CDYL2: variants seen among roughly 807,000 people sequenced by gnomAD.
The protein encoded by CDYL2 is chromodomain Y like 2.
A neutral mutation model predicts 49.4 loss-of-function variants in CDYL2; 23 were observed. The ratio of observed to expected loss-of-function variants is 0.47; its 90% CI spans 0.34 to 0.66. CDYL2 has a LOEUF of 0.66. CDYL2 is among the 30% of genes least tolerant of loss of function. The pLI, the probability that CDYL2 is intolerant of heterozygous loss-of-function variation, is 0.01. For synonymous variants in CDYL2, 360 were observed against 268.8 expected (o/e 1.34, Z -3.32); for missense variants, 678 against 656.4 (o/e 1.03, Z -0.36).
intron 1 of CDYL2, among the ~76,000 whole-genome samples, chr16:80,795,138 C>G (rs1442743480): frequency 6.6e-6 from 1 of 152,132 alleles, no homozygotes; most frequent in East Asian, 1.9e-4. Flanking sequence ...TAATGAAAAT[C>G]AAGGAGAAAA....
At chr16:80,661,427 C>T (rs1909040097) in intron 2 of CDYL2, among the ~76,000 whole-genome samples, 1 of 152,194 alleles carries the variant, frequency 6.6e-6, no homozygotes, top group African/African-American at 2.4e-5. Flanking sequence ...TCACAAGTTG[C>T]TGAGTGCCTA....
At chr16:80,605,771 A>G (rs115346847) in intron 6 of CDYL2, among the ~76,000 whole-genome samples, 2,099 of 152,316 alleles carry the variant, frequency 0.014, 51 homozygotes, top group African/African-American at 0.047. Context: ...TAATGCCACT[A>G]TGATCACCAT....
At chr16:80,617,497 G>A (rs940255145) in intron 4 of CDYL2, among the ~76,000 whole-genome samples, 1 of 152,166 alleles carries the variant, frequency 6.6e-6, no homozygotes, top group Non-Finnish European at 1.5e-5. Context: ...CTTCTCTCAG[G>A]ACACCCCTCT....
At chr16:80,702,183 A>AACACACACACACACAC (rs35071485) in intron 1 of CDYL2, among the ~76,000 whole-genome samples, 215 of 142,850 alleles carry the variant, frequency 1.5e-3, no homozygotes, top group African/African-American at 5.2e-3. Flanking sequence ...GAAGGCCTAA[A>AACACACACACACACAC]ACACACACAC....
intron 2 of CDYL2, among the ~76,000 whole-genome samples, chr16:80,661,660 G>A (rs1909049660): frequency 6.6e-6 from 1 of 152,134 alleles, no homozygotes; most frequent in African/African-American, 2.4e-5. Context: ...CATGGTGTTG[G>A]CTCTGATGGA....
intron 2 of CDYL2, among the ~76,000 whole-genome samples, chr16:80,650,914 A>T (rs1288091192): frequency 7.0e-6 from 1 of 142,016 alleles, no homozygotes; most frequent in Non-Finnish European, 1.5e-5. Context: ...GGATCTAAAA[A>T]CCAAAACAAT....
rs751025511 is a variant in CDYL2, at chr16:80,604,436, G to T, written c.1473C>A (p.Gly491=). 69 of 1,614,044 alleles carry T rather than the reference G, an allele frequency of 4.3e-5. No homozygotes were observed. In the South Asian group the frequency reaches 6.8e-4, roughly 16 times the overall value. Residue 491 remains glycine, a synonymous_variant, in exon 7 of 7, where the codon GGC becomes GGA. Coordinates refer to ENST00000570137, the MANE Select transcript of CDYL2 (RefSeq NM_152342.4). ...MLKQLWSSSK[G]LDSLFSYLQD... Reference sequence around the variant, plus strand: ...GCAGGTAGCTGAAAAGGGAGTCAAGGCCTTTGGAGGAGCTCCAGAGCTGCT... The same window carrying T: ...GCAGGTAGCTGAAAAGGGAGTCAAGTCCTTTGGAGGAGCTCCAGAGCTGCT...
intron 2 of CDYL2, among the ~76,000 whole-genome samples, chr16:80,648,450 G>A (rs963632499): frequency 5.3e-5 from 8 of 152,096 alleles, no homozygotes; most frequent in Middle Eastern, 3.4e-3. Context: ...ACTGAACCAC[G>A]AAGAAATCCA....
At chr16:80,779,810 T>C (rs984455426) in intron 1 of CDYL2, among the ~76,000 whole-genome samples, 2 of 152,274 alleles carry the variant, frequency 1.3e-5, no homozygotes, top group African/African-American at 4.8e-5. Context: ...AAAGACAGAC[T>C]AGAAGGATAT....
chr16:80,611,562 C>G (rs953167064), intron 5 of CDYL2, among the ~76,000 whole-genome samples: 1 of 152,192 alleles, frequency 6.6e-6, no homozygotes, highest in African/African-American at 2.4e-5. Flanking sequence ...CAGCTAATCT[C>G]AGATTAACCC....
At chr16:80,641,248 T>C (rs897452982) in intron 2 of CDYL2, among the ~76,000 whole-genome samples, 32 of 152,104 alleles carry the variant, frequency 2.1e-4, no homozygotes, top group Admixed American at 5.2e-4. Flanking sequence ...GGAGCTTTAA[T>C]ACATATGGCA....
chr16:80,626,915 C>T (rs962732529), intron 3 of CDYL2, among the ~76,000 whole-genome samples: 2 of 152,154 alleles, frequency 1.3e-5, no homozygotes, highest in Non-Finnish European at 2.9e-5. Context: ...GCAAGTGACA[C>T]CATGAAGACT....
chr16:80,782,442 C>T (rs1055269249), intron 1 of CDYL2, among the ~76,000 whole-genome samples: 1 of 147,400 alleles, frequency 6.8e-6, no homozygotes, highest in Non-Finnish European at 1.5e-5. Flanking sequence ...TTCTTAAAAT[C>T]TTCTAAAAAG....
intron 1 of CDYL2, among the ~76,000 whole-genome samples, chr16:80,700,873 A>C (rs1904296840): frequency 6.6e-6 from 1 of 152,250 alleles, no homozygotes. Context: ...AGAAAGGTTT[A>C]ATTTCCTATT....
intron 1 of CDYL2, among the ~76,000 whole-genome samples, chr16:80,695,412 T>C (rs543214228): frequency 2.6e-5 from 4 of 152,314 alleles, no homozygotes; most frequent in African/African-American, 7.2e-5. Flanking sequence ...AATAATAACA[T>C]TGAATGTAAA....
At chr16:80,606,342 T>C (rs1906332644) in intron 6 of CDYL2, among the ~76,000 whole-genome samples, 1 of 151,348 alleles carries the variant, frequency 6.6e-6, no homozygotes, top group Non-Finnish European at 1.5e-5. Context: ...CTTGCAGTAT[T>C]CCTTGTCCTA....
chr16:80,765,290 T>C (rs2142387925), intron 1 of CDYL2, among the ~76,000 whole-genome samples: 1 of 151,554 alleles, frequency 6.6e-6, no homozygotes, highest in East Asian at 1.9e-4. Flanking sequence ...CAAACATTTA[T>C]TCAATCTCTG....
intron 1 of CDYL2, among the ~76,000 whole-genome samples, chr16:80,720,979 G>C (rs915826268): frequency 6.6e-6 from 1 of 152,140 alleles, no homozygotes; most frequent in African/African-American, 2.4e-5. Flanking sequence ...TTATAAGGAA[G>C]TGGCTACAGA....
At chr16:80,653,359 GA>G (rs1908668924) in intron 2 of CDYL2, among the ~76,000 whole-genome samples, 1 of 152,172 alleles carries the variant, frequency 6.6e-6, no homozygotes, top group East Asian at 1.9e-4. Flanking sequence ...CAGCTACTTG[GA>G]AGTCTGAGGC....
Sources: allele counts gnomAD v4.1 joint callset (sites outside exome capture counted in the v4.1 genomes callset), GRCh38; gene constraint gnomAD v4.1.1; transcripts MANE v1.5; gene names NCBI Gene and HGNC (gene_info 2026-07-23, HGNC 2026-07-21).